The following STS variants were observed in gnomAD, a reference collection of about 807,000 sequenced individuals.
The protein encoded by STS is steroid sulfatase.
Under a neutral mutation model 26.8 loss-of-function variants are expected in STS, and 7 were observed. The observed-to-expected ratio is 0.26, with a 90% CI of 0.15 to 0.49. The LOEUF (loss-of-function observed/expected upper bound fraction) is 0.49, where lower values mean the gene tolerates loss of function less well. Ranked by LOEUF, STS falls within the 20% of genes least tolerant of loss-of-function variation. The pLI, the probability that STS is intolerant of heterozygous loss-of-function variation, is 0.98. For synonymous variants in STS, 199 were observed against 189.4 expected (o/e 1.05, Z -0.42); for missense variants, 434 against 465.6 (o/e 0.93, Z 0.63).
chrX:7,170,646 T>A (rs1233764520), intron 1 of STS, among the ~76,000 whole-genome samples: 1 of 110,368 alleles, frequency 9.1e-6, no homozygotes, highest in Non-Finnish European at 1.9e-5. Context: ...TTAAAAAATT[T>A]AAAAATTTTT....
At chrX:7,346,458 TAAAAA>T (rs33973441) in intron 10 of STS, among the ~76,000 whole-genome samples, 2 of 80,760 alleles carry the variant, frequency 2.5e-5, no homozygotes, top group South Asian at 7.3e-4. Flanking sequence ...CTTAAACAAG[TAAAAA>T]AAAAAAAAAA....
At chrX:7,291,561 T>C (rs1192443236) in intron 7 of STS, among the ~76,000 whole-genome samples, 2 of 112,437 alleles carry the variant, frequency 1.8e-5, no homozygotes, top group African/African-American at 6.5e-5. Flanking sequence ...TTTCTGGCGT[T>C]ACCTTAGTGC....
At chrX:7,206,442 C>G (rs1182386597) in intron 2 of STS, among the ~76,000 whole-genome samples, 1 of 112,143 alleles carries the variant, frequency 8.9e-6, no homozygotes, top group East Asian at 2.8e-4. Flanking sequence ...TCATACCATC[C>G]TTTTATTATT....
chrX:7,284,231 C>T (rs975636824), intron 7 of STS, among the ~76,000 whole-genome samples: 14 of 111,936 alleles, frequency 1.3e-4, no homozygotes, highest in Non-Finnish European at 2.1e-4. Flanking sequence ...AAAATTGAGG[C>T]TTGAAAATTA....
intron 2 of STS, among the ~76,000 whole-genome samples, chrX:7,204,763 C>G (rs755616161): frequency 3.9e-5 from 4 of 103,893 alleles, no homozygotes; most frequent in Non-Finnish European, 5.9e-5. Context: ...CCCTCTCTCT[C>G]CCTCCTTTCT....
intron 10 of STS, among the ~76,000 whole-genome samples, chrX:7,339,823 C>G (rs762693400): frequency 1.8e-5 from 2 of 111,421 alleles, no homozygotes; most frequent in South Asian, 7.5e-4. Flanking sequence ...TCCAACATAG[C>G]CTATTAAACA....
At chrX:7,181,599 A>G (rs1281599058) in intron 1 of STS, among the ~76,000 whole-genome samples, 5 of 111,777 alleles carry the variant, frequency 4.5e-5, no homozygotes, top group African/African-American at 1.3e-4. Context: ...GGGCATCCCC[A>G]CCAGACACCT....
At chrX:7,325,144 T>C (rs1329270557) in intron 8 of STS, among the ~76,000 whole-genome samples, 195 bp from the exon 9 acceptor site, 1 of 111,941 alleles carries the variant, frequency 8.9e-6, no homozygotes, top group African/African-American at 3.2e-5. Flanking sequence ...ATGTCACATA[T>C]GGTGGTGACT....
intron 2 of STS, among the ~76,000 whole-genome samples, chrX:7,242,351 G>C (rs1207695207): frequency 9.1e-6 from 1 of 109,456 alleles, no homozygotes; most frequent in Non-Finnish European, 1.9e-5. Flanking sequence ...TAACTATAAT[G>C]AACAACTATG....
intron 8 of STS, among the ~76,000 whole-genome samples, chrX:7,319,986 AT>A (rs1323397677): frequency 2.2e-5 from 2 of 90,312 alleles, no homozygotes; most frequent in Middle Eastern, 4.5e-3. Context: ...ATGTATATAT[AT>A]TTATATATAT....
intron 2 of STS, among the ~76,000 whole-genome samples, chrX:7,229,884 G>A (rs1183590823): frequency 2.8e-5 from 3 of 106,733 alleles, no homozygotes; most frequent in South Asian, 4.4e-4. Flanking sequence ...CCTTTTTTTT[G>A]TCGGGGGGCG....
intron 10 of STS, among the ~76,000 whole-genome samples, chrX:7,348,847 G>GC (rs1928640229): frequency 1.8e-5 from 2 of 111,908 alleles, no homozygotes; most frequent in African/African-American, 6.5e-5. Flanking sequence ...ATAGAGTTGA[G>GC]CAGTCTACTT....
At chrX:7,206,765 T>C (rs1189722576) in intron 2 of STS, among the ~76,000 whole-genome samples, 3 of 112,319 alleles carry the variant, frequency 2.7e-5, no homozygotes, top group African/African-American at 9.7e-5. Flanking sequence ...TGCTGAAGGA[T>C]TTTTGTTGTG....
At chrX:7,329,526 G>A (rs1601751848) in intron 9 of STS, among the ~76,000 whole-genome samples, 1 of 112,430 alleles carries the variant, frequency 8.9e-6, no homozygotes, top group Middle Eastern at 4.6e-3. Context: ...ACAGATGTCT[G>A]CCCTTTAGAA....
rs763734935 is a variant in STS, at chrX:7,351,956, AAGAG to A, written c.*1697_*1700del. The A allele has an allele frequency of 1.8e-5, 2 of 109,900 alleles. No individual in the cohort carries two copies. The highest frequency in any genetic ancestry group is 3.8e-5 in the Non-Finnish European group (2 of 52,671). 9.1% of individuals were successfully genotyped at this position (109,900 alleles called of 1,213,427 possible). A position where few individuals can be genotyped will look rare whatever the true frequency, so the allele number is the denominator to read the frequency against. ...TTTCTAAAAAAAAAAAAAAAAAAGA[AAGAG>A]AAGAAAGAAGTGATTCCTACCCCCT... is the stretch of plus-strand genomic sequence containing the variant. On this transcript the variant is annotated 3_prime_UTR_variant, in exon 11 of 11. Coordinates refer to ENST00000674429, the MANE Select transcript of STS (RefSeq NM_001320752.2).
At chrX:7,266,416 A>C (rs1245121190) in intron 6 of STS, among the ~76,000 whole-genome samples, 2 of 111,918 alleles carry the variant, frequency 1.8e-5, no homozygotes, top group Non-Finnish European at 3.8e-5. Flanking sequence ...AGGTCCACTT[A>C]GTCAAACCCA....
chrX:7,307,097 G>A (rs961287831), intron 8 of STS, among the ~76,000 whole-genome samples: 1 of 111,342 alleles, frequency 9.0e-6, no homozygotes, highest in Admixed American at 9.6e-5. Flanking sequence ...CCTGTTAGGT[G>A]CATCTGGACA....
chrX:7,219,692 C>G (rs372048644), intron 2 of STS: 4 of 1,211,516 alleles, frequency 3.3e-6, no homozygotes, highest in Non-Finnish European at 4.5e-6. Context: ...TTAAGGTAAG[C>G]GTCTATTCCC....
At chrX:7,148,766 T>C (rs1932944723) in intron 1 of STS, among the ~76,000 whole-genome samples, 1 of 112,436 alleles carries the variant, frequency 8.9e-6, no homozygotes, top group Non-Finnish European at 1.9e-5. Context: ...CCTGCATCTC[T>C]GAGCATCCCA....
Sources: gnomAD v4.1 joint callset for allele counts (sites outside exome capture counted in the v4.1 genomes callset) on GRCh38, gnomAD v4.1.1 for gene constraint, MANE v1.5 for transcripts, NCBI Gene and HGNC (gene_info 2026-07-23, HGNC 2026-07-21) for gene names.